PHLPP1: variants seen among roughly 807,000 people sequenced by gnomAD.
PHLPP1 encodes PH domain and leucine rich repeat protein phosphatase 1, also known as PH domain leucine-rich repeat-containing protein phosphatase 1.
Under a neutral mutation model 117.2 loss-of-function variants are expected in PHLPP1, and 42 were observed. That is an observed-to-expected ratio of 0.36 (90% CI 0.28 to 0.46). The LOEUF is 0.46. Ranked by LOEUF, PHLPP1 falls within the 20% of genes least tolerant of loss-of-function variation. PHLPP1 has a pLI of 1.00. For missense variants in PHLPP1, 2,084 were observed against 2,241.9 expected, an observed-to-expected ratio of 0.93 and a Z score of 1.42; for synonymous variants, 1,042 against 970.7, an observed-to-expected ratio of 1.07 and a Z score of -1.37.
At position 62,717,122 on chromosome 18, in the gene PHLPP1, C is replaced by G. The variant is rs1193676377; in HGVS notation, c.1439C>G (p.Thr480Ser). Residue 480 changes from threonine to serine, a missense_variant, in exon 1 of 17, where the codon ACC becomes AGC. Transcript: ENST00000262719. ...TACGTGCAGCTCCACGGAGAGACCA[C>G]CCGGCGCTTGGAGGCGGAGGAGAAG... The part of the protein sequence containing the change: ...TLYVQLHGET[T>S]RRLEAEEKPL... The G allele has an allele frequency of 5.7e-6, 9 of 1,590,788 alleles. No individual in the cohort carries two copies. The highest frequency in any genetic ancestry group is 1.3e-5 in the African/African-American group (1 of 74,632).
chr18:62,758,005 A>G (rs1912082056), intron 1 of PHLPP1, among the ~76,000 whole-genome samples: 1 of 152,230 alleles, frequency 6.6e-6, no homozygotes, highest in African/African-American at 2.4e-5. Context: ...ACACTTTTAA[A>G]TAAAAGCTCG....
chr18:62,930,476 G>A (rs1221576327), intron 10 of PHLPP1, among the ~76,000 whole-genome samples: 1 of 150,652 alleles, frequency 6.6e-6, no homozygotes, highest in African/African-American at 2.4e-5. Flanking sequence ...AAAAAAAATT[G>A]CATTATATAA....
chr18:62,764,558 C>A (rs939934007), intron 1 of PHLPP1, among the ~76,000 whole-genome samples: 1 of 152,052 alleles, frequency 6.6e-6, no homozygotes, highest in Non-Finnish European at 1.5e-5. Flanking sequence ...TCGAGATCAG[C>A]CTGGCCAACA....
chr18:62,787,613 A>G lies in PHLPP1; in HGVS notation c.1577-42422A>G, dbSNP rs530503719. 1.6e-4 allele frequency among the ~76,000 whole-genome samples: 25 copies of G among 152,286 alleles called. 1 individual carries two copies. The Middle Eastern group carries it at 0.01, about 62-fold the overall frequency. ...TATAGATTTTTATCAGCCTTTTCCC[A>G]TTTACAGTTTCTTTCTGAACCTATT... On this transcript the variant is annotated intron_variant, in intron 1 of 16. Coordinates refer to ENST00000262719, the MANE Select transcript of PHLPP1 (RefSeq NM_194449.4).
At chr18:62,925,270 G>T (rs1363877213) in intron 10 of PHLPP1, among the ~76,000 whole-genome samples, 1 of 152,138 alleles carries the variant, frequency 6.6e-6, no homozygotes, top group Non-Finnish European at 1.5e-5. Context: ...TGGCCAGACC[G>T]CTTTTCCTAT....
intron 1 of PHLPP1, among the ~76,000 whole-genome samples, chr18:62,737,584 A>G (rs937738253): frequency 2.0e-5 from 3 of 152,240 alleles, no homozygotes; most frequent in Admixed American, 1.3e-4. Flanking sequence ...CCCTTGGCTC[A>G]GGGAGTTCAG....
At chr18:62,962,564 C>A (rs987911133) in intron 13 of PHLPP1, among the ~76,000 whole-genome samples, 1 of 152,224 alleles carries the variant, frequency 6.6e-6, no homozygotes, top group Non-Finnish European at 1.5e-5. Flanking sequence ...CCGCCTTGGC[C>A]TCCCAAAGTG....
At chr18:62,747,438 C>T (rs1396228572) in intron 1 of PHLPP1, among the ~76,000 whole-genome samples, 3 of 151,550 alleles carry the variant, frequency 2.0e-5, no homozygotes, top group Middle Eastern at 3.2e-3. Context: ...CCACAGCGCC[C>T]AGCCGATTTT....
chr18:62,891,355 A>G (rs1051337655), intron 4 of PHLPP1, among the ~76,000 whole-genome samples: 2 of 152,364 alleles, frequency 1.3e-5, no homozygotes, highest in African/African-American at 4.8e-5. Context: ...TGGGAGGCCA[A>G]GGCGGGCGGA....
At chr18:62,945,952 G>C (rs1910268973) in intron 12 of PHLPP1, among the ~76,000 whole-genome samples, 1 of 152,222 alleles carries the variant, frequency 6.6e-6, no homozygotes, top group South Asian at 2.1e-4. Context: ...TAGAATGAAA[G>C]CCATGTAACA....
chr18:62,718,293 T>C (rs1378604265), intron 1 of PHLPP1, among the ~76,000 whole-genome samples: 1 of 152,238 alleles, frequency 6.6e-6, no homozygotes, highest in East Asian at 1.9e-4. Flanking sequence ...TCGCTAACTT[T>C]ACGTTTTTAG....
chr18:62,952,699 T>C (rs1020454470), intron 12 of PHLPP1, among the ~76,000 whole-genome samples: 1 of 152,224 alleles, frequency 6.6e-6, no homozygotes, highest in African/African-American at 2.4e-5. Flanking sequence ...CAATCATAAC[T>C]CACTGCAGCC....
At chr18:62,905,889 AAT>A (rs1488802444) in intron 8 of PHLPP1, among the ~76,000 whole-genome samples, 9 of 152,210 alleles carry the variant, frequency 5.9e-5, no homozygotes, top group African/African-American at 2.2e-4. Flanking sequence ...GGTTCCCACA[AAT>A]ATTATAGTAG....
chr18:62,716,112 C>T lies in PHLPP1; in HGVS notation c.429C>T (p.Ser143=). ...CGGCCGCCTCCTCGTCGTCGTCGTCCTCGGCCGCTGCTGCCTCGCACTCCC... is the reference window on the plus strand; with the variant it reads ...CGGCCGCCTCCTCGTCGTCGTCGTCTTCGGCCGCTGCTGCCTCGCACTCCC... ...AAAAASSSSS[S]SAAAASHSPG... Residue 143 remains serine, a synonymous_variant, in exon 1 of 17, where the codon TCC becomes TCT. Coordinates refer to ENST00000262719, the MANE Select transcript of PHLPP1 (RefSeq NM_194449.4). This position sits in a 1 kb window ranked among gnomAD's most constrained non-coding sequence, Gnocchi z 5.7. 2 of 1,509,960 alleles carry T rather than the reference C, an allele frequency of 1.3e-6. No individual in the cohort carries two copies. The highest frequency in any genetic ancestry group is 1.2e-5 in the South Asian group (1 of 81,318). The allele number at this position is 1,509,960 out of a possible 1,614,324, so 93.5% of individuals were successfully genotyped here.
intron 16 of PHLPP1, among the ~76,000 whole-genome samples, chr18:62,977,383 G>T (rs1249649184): frequency 8.5e-6 from 1 of 117,150 alleles, no homozygotes; most frequent in Non-Finnish European, 1.7e-5. Flanking sequence ...ATGGACCTGA[G>T]AATCTCAAAA....
chr18:62,866,240 GTGTTTTT>G (rs1476507409), intron 4 of PHLPP1, among the ~76,000 whole-genome samples: 2 of 150,864 alleles, frequency 1.3e-5, no homozygotes, highest in Non-Finnish European at 3.0e-5. Flanking sequence ...TTTTGTTTTT[GTGTTTTT>G]TGTTTTTTTT....
intron 1 of PHLPP1, among the ~76,000 whole-genome samples, chr18:62,748,738 C>G (rs1911753231): frequency 6.6e-6 from 1 of 151,906 alleles, no homozygotes; most frequent in Admixed American, 6.6e-5. Context: ...GCCATAGTTG[C>G]CCTTCTTCTA....
Position 62,748,254 on chromosome 18 carries a change from T to A in PHLPP1, c.1576+30995T>A, listed in dbSNP as rs999797143. 2.3e-3 allele frequency among the ~76,000 whole-genome samples: 342 copies of A among 151,822 alleles called. 2 individuals carry two copies. The highest frequency in any genetic ancestry group is 8.0e-3 in the African/African-American group (331 of 41,414). The stretch of plus-strand genomic sequence containing the variant: ...CAGGATAGGGTTTTTTTTGTTTTTT[T>A]TTTTTTTGAGATGAGGGTATCGCTC... On this transcript the variant is annotated intron_variant, in intron 1 of 16. Coordinates refer to ENST00000262719, the MANE Select transcript of PHLPP1 (RefSeq NM_194449.4).
intron 1 of PHLPP1, among the ~76,000 whole-genome samples, chr18:62,818,016 A>ATCTG (rs1914343206): frequency 1.3e-5 from 2 of 151,720 alleles, no homozygotes; most frequent in Admixed American, 6.6e-5. Context: ...CACCACGCCC[A>ATCTG]GCTAATTTTT....
Sources: gnomAD v4.1 joint callset for allele counts (sites outside exome capture counted in the v4.1 genomes callset) on GRCh38, gnomAD v4.1.1 for gene constraint, Gnocchi (gnomAD v3.1) non-coding constraint, MANE v1.5 for transcripts, NCBI Gene and HGNC (gene_info 2026-07-23, HGNC 2026-07-21) for gene names.